The following XKR6 variants were observed in gnomAD, a reference collection of about 807,000 sequenced individuals.
XKR6 encodes XK-related protein 6.
XKR6 carries 22 observed loss-of-function variants against 56.7 expected under a neutral mutation model. That is an observed-to-expected ratio of 0.39 (90% CI 0.28 to 0.55). The LOEUF (loss-of-function observed/expected upper bound fraction) is 0.55, where lower values mean the gene tolerates loss of function less well. Ranked by LOEUF, XKR6 falls within the 20% of genes least tolerant of loss-of-function variation. The pLI is 0.66. For synonymous variants in XKR6, 524 were observed against 387.8 expected, an observed-to-expected ratio of 1.35 and a Z score of -4.13; for missense variants, 852 against 889.0, an observed-to-expected ratio of 0.96 and a Z score of 0.53.
chr8:11,002,271 A>T (rs2129143354), intron 1 of XKR6: 1 of 178,184 alleles, frequency 5.6e-6, no homozygotes, highest in African/African-American at 2.4e-5. Flanking sequence ...CTTTCCTTGT[A>T]TTGTAAAGAC....
chr8:11,191,775 C>G (rs967747269), intron 1 of XKR6, among the ~76,000 whole-genome samples: 13 of 151,828 alleles, frequency 8.6e-5, no homozygotes, highest in South Asian at 6.3e-4. Flanking sequence ...TATCAAGTCC[C>G]TGATTGGAGG....
At chr8:11,183,824 G>T (rs1371296277) in intron 1 of XKR6, among the ~76,000 whole-genome samples, 1 of 152,146 alleles carries the variant, frequency 6.6e-6, no homozygotes, top group Non-Finnish European at 1.5e-5. Context: ...AAAGGCTCAG[G>T]AATAAGGGTT....
At chr8:11,157,294 C>T (rs1801568856) in intron 1 of XKR6, among the ~76,000 whole-genome samples, 1 of 152,156 alleles carries the variant, frequency 6.6e-6, no homozygotes, top group African/African-American at 2.4e-5. Flanking sequence ...AATGGAAAAA[C>T]TGCAGAAATC....
chr8:10,902,697 GAGA>G (rs1456614575), intron 2 of XKR6, among the ~76,000 whole-genome samples: 2 of 152,200 alleles, frequency 1.3e-5, no homozygotes, highest in African/African-American at 4.8e-5. Context: ...ATAGTGAAAG[GAGA>G]AGGTGAACTT....
intron 1 of XKR6, among the ~76,000 whole-genome samples, chr8:11,195,471 C>G (rs1488848940): frequency 6.6e-6 from 1 of 152,120 alleles, no homozygotes; most frequent in African/African-American, 2.4e-5. Context: ...TTCTCCTTTG[C>G]GAACTATCTG....
chr8:11,178,052 A>C (rs1442151095), intron 1 of XKR6, among the ~76,000 whole-genome samples: 1 of 152,118 alleles, frequency 6.6e-6, no homozygotes, highest in Non-Finnish European at 1.5e-5. Context: ...ACAGCACAGA[A>C]AGCAGAGTGC....
At chr8:11,061,561 C>T (rs943528790) in intron 1 of XKR6, among the ~76,000 whole-genome samples, 5 of 152,166 alleles carry the variant, frequency 3.3e-5, no homozygotes, top group Non-Finnish European at 1.5e-5. Flanking sequence ...GAAGCACAGG[C>T]CTGTCTGGGT....
In XKR6 at chr8:10,951,308, G is replaced by C. The variant is rs148532231; in HGVS notation, c.765-26478C>G. Among the ~76,000 whole-genome samples the C allele has an allele frequency of 1.8e-4, 27 of 147,112 alleles. 1 individual carries two copies. Among genetic ancestry groups the C allele is most frequent in the Non-Finnish European group, 2.2e-4 (15 of 67,534 alleles). ...AAGTGTGTGTGTGTGTGGGGGGGGG[G>C]GGCCCCCACAGTGGTGACAGGGGAA... On this transcript the variant is annotated intron_variant, in intron 1 of 2. Coordinates refer to ENST00000416569, the MANE Select transcript of XKR6 (RefSeq NM_173683.4).
At chr8:11,168,934 GT>G (rs1563190253) in intron 1 of XKR6, among the ~76,000 whole-genome samples, 2 of 152,154 alleles carry the variant, frequency 1.3e-5, no homozygotes, top group African/African-American at 2.4e-5. Flanking sequence ...TTGGGTTCCT[GT>G]GGGCACTTTG....
At chr8:11,194,873 T>C in intron 1 of XKR6, 3 of 465,366 alleles carry the variant, frequency 6.4e-6, no homozygotes, top group East Asian at 3.7e-5. Context: ...TTTGACACTT[T>C]GTTTCTGGAT....
At chr8:11,116,044 T>TA (rs1799156642) in intron 1 of XKR6, among the ~76,000 whole-genome samples, 1 of 152,216 alleles carries the variant, frequency 6.6e-6, no homozygotes, top group South Asian at 2.1e-4. Context: ...ATCTGGGTTT[T>TA]AAGCAAATCA....
chr8:11,019,625 G>A (rs1299573427), intron 1 of XKR6, among the ~76,000 whole-genome samples: 1 of 152,216 alleles, frequency 6.6e-6, no homozygotes, highest in Admixed American at 6.5e-5. Context: ...CCACCTAGAG[G>A]TGGTGTGAGC....
chr8:11,199,349 C>G (rs1804069869), intron 1 of XKR6, among the ~76,000 whole-genome samples: 1 of 152,196 alleles, frequency 6.6e-6, no homozygotes, highest in African/African-American at 2.4e-5. Context: ...TAAATAAATG[C>G]TGAATAGAGA....
At chr8:11,074,063 G>A (rs754197889) in intron 1 of XKR6, among the ~76,000 whole-genome samples, 1 of 152,340 alleles carries the variant, frequency 6.6e-6, no homozygotes, top group South Asian at 2.1e-4. Flanking sequence ...ACTAGGAATT[G>A]GAGACTTTCA....
At chr8:11,030,228 G>A (rs978242774) in intron 1 of XKR6, among the ~76,000 whole-genome samples, 11 of 152,182 alleles carry the variant, frequency 7.2e-5, no homozygotes, top group Non-Finnish European at 1.3e-4. Flanking sequence ...CCCCTGGCCT[G>A]GACTGCCCTC....
At chr8:10,964,924 G>A (rs1802172110) in intron 1 of XKR6, among the ~76,000 whole-genome samples, 1 of 152,366 alleles carries the variant, frequency 6.6e-6, no homozygotes, top group Non-Finnish European at 1.5e-5. Context: ...CCAGGGCGCT[G>A]TTAAACCCAG....
At chr8:10,971,240 C>T (rs187590280) in intron 1 of XKR6, among the ~76,000 whole-genome samples, 7 of 151,506 alleles carry the variant, frequency 4.6e-5, no homozygotes, top group African/African-American at 7.3e-5. Flanking sequence ...GCTAACACGG[C>T]GAAACTCCAC....
chr8:10,966,907 G>A (rs1802242141), intron 1 of XKR6, among the ~76,000 whole-genome samples: 1 of 152,054 alleles, frequency 6.6e-6, no homozygotes. Flanking sequence ...CTGATCTCTG[G>A]GGCTAGGTCT....
intron 1 of XKR6, among the ~76,000 whole-genome samples, chr8:11,025,152 G>A (rs992558705): frequency 6.6e-6 from 1 of 152,174 alleles, no homozygotes; most frequent in Admixed American, 6.5e-5. Context: ...TCAAATGCTT[G>A]TGACAGACTT....
Sources: allele counts gnomAD v4.1 joint callset (sites outside exome capture counted in the v4.1 genomes callset), GRCh38; gene constraint gnomAD v4.1.1; transcripts MANE v1.5; gene names NCBI Gene and HGNC (gene_info 2026-07-23, HGNC 2026-07-21).